The following STOM variants were observed in gnomAD, a reference collection of about 807,000 sequenced individuals.
STOM encodes erythrocyte band 7 integral membrane protein.
In STOM, 25 loss-of-function variants were observed where a neutral mutation model predicts 30.6. That is an observed-to-expected ratio of 0.82 (90% confidence interval 0.60 to 1.14). The LOEUF is 1.14. Among genes scored for constraint, STOM ranks in the 50% most tolerant of loss-of-function variants. The probability of loss-of-function intolerance (pLI) is 0.00; values close to 1 mark genes in which losing one functional copy is unlikely to be tolerated. For synonymous variants in STOM, 118 were observed against 130.8 expected, an observed-to-expected ratio of 0.90 and a Z score of 0.67; for missense variants, 292 against 365.2, an observed-to-expected ratio of 0.80 and a Z score of 1.63.
intron 1 of STOM, among the ~76,000 whole-genome samples, chr9:121,364,905 A>G (rs1392985323): frequency 6.6e-6 from 1 of 152,204 alleles, no homozygotes; most frequent in Non-Finnish European, 1.5e-5. Context: ...ATAGCATAAT[A>G]GGTTCACAGA....
At chr9:121,357,437 A>ATATTTATTTATT (rs1290562604) in intron 1 of STOM, among the ~76,000 whole-genome samples, 2 of 91,040 alleles carry the variant, frequency 2.2e-5, no homozygotes, top group Admixed American at 2.2e-4. Flanking sequence ...ATATATATAT[A>ATATTTATTTATT]TATTTATTTA....
Position 121,356,137 on chromosome 9 carries a change from A to G in STOM, c.81T>C (p.Leu27=), listed in dbSNP as rs200987792. The change falls in exon 2 of 7, where the codon CTT becomes CTC. Residue 27 remains leucine (L), a synonymous_variant. Transcript: ENST00000286713. ...DSFKDSPSKG[L]GPCGWILVAF... is the part of the protein sequence containing the mutation. ...CCACCAAAATCCATCCGCAAGGTCCAAGGCCCTTACTGGGGCTGTCTGTTG... is the reference window on the plus strand; with the variant it reads ...CCACCAAAATCCATCCGCAAGGTCCGAGGCCCTTACTGGGGCTGTCTGTTG... 7.4e-6 allele frequency: 12 copies of G among 1,614,126 alleles called. No individual in the cohort carries two copies. The East Asian group carries it at 2.7e-4, about 36-fold the overall frequency.
chr9:121,369,512 G>C (rs1378606393), intron 1 of STOM, among the ~76,000 whole-genome samples: 1 of 152,282 alleles, frequency 6.6e-6, no homozygotes, highest in African/African-American at 2.4e-5. Context: ...GGTTCCTGGC[G>C]AGGAACAAAA....
chr9:121,369,387 T>G (rs537643194), intron 1 of STOM, among the ~76,000 whole-genome samples: 28 of 149,442 alleles, frequency 1.9e-4, no homozygotes, highest in African/African-American at 6.8e-4. Flanking sequence ...CTCTCTTTAT[T>G]GGAACCCCCT....
At chr9:121,362,299 C>T (rs4427238) in intron 1 of STOM, among the ~76,000 whole-genome samples, 3,704 of 152,178 alleles carry the variant, frequency 0.024, 59 homozygotes, top group Non-Finnish European at 0.035. Context: ...CCTTGATATA[C>T]GTCTTTTAAA....
intron 1 of STOM, among the ~76,000 whole-genome samples, chr9:121,361,941 G>A (rs1042158750): frequency 6.6e-6 from 1 of 152,166 alleles, no homozygotes; most frequent in African/African-American, 2.4e-5. Context: ...CCTCATATGT[G>A]CAGTTCACAA....
Position 121,354,629 on chromosome 9 carries a change from G to A in STOM, c.210C>T (p.Arg70=), listed in dbSNP as rs748221649. ...YERAIIFRLG[R]ILQGGAKGPG... ...GTCCTTTGGCTCCTCCTTGTAAAAT[G>A]CGACCCAATCTAAAGATGATGGCTC... The change falls in exon 3 of 7, where the codon CGC becomes CGT. Residue 70 remains arginine (R), a synonymous_variant. Transcript: ENST00000286713. 1.9e-6 allele frequency: 3 copies of A among 1,612,548 alleles called. No individual in the cohort carries two copies. Among genetic ancestry groups the A allele is most frequent in the South Asian group, 2.2e-5 (2 of 90,836 alleles).
intron 4 of STOM, among the ~76,000 whole-genome samples, chr9:121,349,864 T>C (rs1391616756): frequency 6.6e-6 from 1 of 152,236 alleles, no homozygotes; most frequent in Non-Finnish European, 1.5e-5. Flanking sequence ...ATAAAAATGC[T>C]AAACATGACA....
intron 6 of STOM, among the ~76,000 whole-genome samples, chr9:121,345,628 G>C (rs2064282311): frequency 6.6e-6 from 1 of 152,180 alleles, no homozygotes; most frequent in Non-Finnish European, 1.5e-5. Context: ...CTCCAAGACA[G>C]TCACTGCCCA....
intron 1 of STOM, chr9:121,369,905 A>C: frequency 2.0e-6 from 1 of 497,790 alleles, no homozygotes; most frequent in Non-Finnish European, 3.7e-6. Flanking sequence ...GGCCCGTGCG[A>C]TGGGAAACGT....
chr9:121,339,927 TAATG>T lies in STOM; in HGVS notation c.*1271_*1274del. On this transcript the variant is annotated 3_prime_UTR_variant, in exon 7 of 7. Transcript: ENST00000286713. ...TATACTGTGAATTCCTTATACTATG[TAATG>T]AATGGGTTTGTAATCAACATATTTC... 2.8e-6 allele frequency: 3 copies of T among 1,059,500 alleles called. No individual in the cohort carries two copies. Among genetic ancestry groups the T allele is most frequent in the Middle Eastern group, 4.4e-4 (1 of 2,276 alleles). 65.6% of individuals were successfully genotyped at this position (1,059,500 alleles called of 1,614,324 possible).
intron 1 of STOM, among the ~76,000 whole-genome samples, chr9:121,361,547 C>T (rs1273727034): frequency 1.3e-5 from 2 of 152,010 alleles, no homozygotes; most frequent in Non-Finnish European, 2.9e-5. Context: ...CACCACCATG[C>T]CTGGCTAATT....
rs1462484100 is a variant in STOM, at chr9:121,370,204, T to C, written c.-17A>G. The C allele has an allele frequency of 1.3e-6, 2 of 1,545,940 alleles. No individual in the cohort carries two copies. Among genetic ancestry groups the C allele is most frequent in the African/African-American group, 1.4e-5 (1 of 73,000 alleles). On this transcript the variant is annotated 5_prime_UTR_variant, in exon 1 of 7. Transcript: ENST00000286713. ...CTCGGCCATGCTGCCCGAGACGCAG[T>C]CGCACTCCCCCGTCCTCGTTGCCAA...
intron 4 of STOM, among the ~76,000 whole-genome samples, chr9:121,351,851 T>G (rs910555630): frequency 1.3e-5 from 2 of 152,232 alleles, no homozygotes; most frequent in African/African-American, 2.4e-5. Context: ...AAATAATCAC[T>G]AGTATAAAAT....
intron 1 of STOM, among the ~76,000 whole-genome samples, chr9:121,363,380 A>G (rs2064472331): frequency 6.6e-6 from 1 of 152,022 alleles, no homozygotes; most frequent in Non-Finnish European, 1.5e-5. Flanking sequence ...AAACATATGT[A>G]TTCAGGATTA....
chr9:121,341,267 C>T lies in STOM; in HGVS notation c.802G>A (p.Val268Ile), dbSNP rs1270257488. The change falls in exon 7 of 7, where the codon GTC (valine) becomes ATC (isoleucine). Residue 268 changes from valine to isoleucine, a missense_variant. Coordinates refer to ENST00000286713, the MANE Select transcript of STOM (RefSeq NM_004099.6). ...AGCATATCTATGGGCAGAGGGAAGACAATTGTTGAGTTTTTCTCAGCAGCA... is the reference window on the plus strand; with the variant it reads ...AGCATATCTATGGGCAGAGGGAAGATAATTGTTGAGTTTTTCTCAGCAGCA... ...TIAAEKNSTI[V>I]FPLPIDMLQG... The T allele has an allele frequency of 1.2e-6, 2 of 1,614,126 alleles. No homozygotes were observed. Among genetic ancestry groups the T allele is most frequent in the Non-Finnish European group, 1.7e-6 (2 of 1,180,028 alleles).
At chr9:121,362,525 G>A (rs1251744787) in intron 1 of STOM, among the ~76,000 whole-genome samples, 3 of 151,826 alleles carry the variant, frequency 2.0e-5, no homozygotes, top group Admixed American at 2.0e-4. Context: ...ATATTTAGCA[G>A]TGTTTCTGTA....
intron 1 of STOM, 24 bp from the exon 2 acceptor site, chr9:121,356,180 A>G: frequency 1.3e-6 from 2 of 1,579,548 alleles, no homozygotes; most frequent in African/African-American, 1.3e-5. Context: ...AAAATATACA[A>G]CTCTCACAAC....
chr9:121,368,756 C>T (rs958802170), intron 1 of STOM, among the ~76,000 whole-genome samples: 6 of 152,074 alleles, frequency 3.9e-5, no homozygotes, highest in African/African-American at 1.4e-4. Context: ...GCCTGACCAA[C>T]ATGGTGAAAC....
Sources: gnomAD v4.1 joint callset for allele counts (sites outside exome capture counted in the v4.1 genomes callset) on GRCh38, gnomAD v4.1.1 for gene constraint, MANE v1.5 for transcripts, NCBI Gene and HGNC (gene_info 2026-07-23, HGNC 2026-07-21) for gene names.